Variants in RUBCN observed in about 807,000 individuals in gnomAD.
The protein encoded by RUBCN is run domain Beclin-1-interacting and cysteine-rich domain-containing protein.
In RUBCN, 74 loss-of-function variants were observed where a neutral mutation model predicts 113.2. The ratio of observed to expected loss-of-function variants is 0.65; its 90% confidence interval spans 0.54 to 0.79. The LOEUF is 0.79. Ranked by LOEUF, RUBCN falls within the 30% of genes least tolerant of loss-of-function variation. The pLI is 0.00. For missense variants in RUBCN, 1,109 were observed against 1,251.7 expected (o/e 0.89, Z 1.72); for synonymous variants, 480 against 490.0 (o/e 0.98, Z 0.27).
intron 1 of RUBCN, among the ~76,000 whole-genome samples, chr3:197,746,216 G>A (rs571167668): frequency 5.3e-5 from 8 of 152,316 alleles, no homozygotes; most frequent in Non-Finnish European, 1.0e-4. Flanking sequence ...TAGCCATCGC[G>A]AAACATGATT....
intron 11 of RUBCN, among the ~76,000 whole-genome samples, chr3:197,684,684 A>G (rs1039471159): frequency 2.4e-4 from 36 of 151,512 alleles, no homozygotes; most frequent in African/African-American, 7.0e-4. Context: ...ACACACATAT[A>G]TACACATATA....
At position 197,676,656 on chromosome 3, in the gene RUBCN, C is replaced by T. The variant is rs1236144168; in HGVS notation, c.2646+229G>A. On this transcript the variant is annotated intron_variant, in intron 18 of 19. Transcript: ENST00000296343. ...GTCTACTCGGTCTTGCCCGGAGCTA[C>T]CCAGGACCACAGCCAGCACCAGCTC... is the stretch of plus-strand genomic sequence containing the variant. 2.8e-6 allele frequency: 4 copies of T among 1,409,402 alleles called. No homozygotes were observed. In the African/African-American group the frequency reaches 5.8e-5, roughly 20 times the overall value. 87.3% of individuals were successfully genotyped at this position (1,409,402 alleles called of 1,614,324 possible). A position where few individuals can be genotyped will look rare whatever the true frequency, so the allele number is the denominator to read the frequency against.
rs1560411615 is a variant in RUBCN at position 197,684,137 on chromosome 3, TG to T, written c.1847+19del. 1 of 1,582,422 alleles carries T rather than the reference TG, an allele frequency of 6.3e-7. No homozygotes were observed. On this transcript the variant is annotated intron_variant, in intron 12 of 19. Transcript: ENST00000296343. ...TCCTAAGGTTTTCTTTTCTTTTTTT[TG>T]GTAAAAAAAAGTACTCACAAGGACT... is the stretch of plus-strand genomic sequence containing the variant.
At chr3:197,712,133 A>C (rs1469676800) in intron 2 of RUBCN, among the ~76,000 whole-genome samples, 1 of 152,124 alleles carries the variant, frequency 6.6e-6, no homozygotes, top group Non-Finnish European at 1.5e-5. Context: ...ATTGTGGCAA[A>C]AGGAGGAATC....
intron 1 of RUBCN, among the ~76,000 whole-genome samples, chr3:197,731,753 A>AC (rs994286572): frequency 1.2e-4 from 17 of 141,282 alleles, no homozygotes; most frequent in South Asian, 2.3e-4. Context: ...CGGGGGGCTG[A>AC]CCCCCCCACC....
chr3:197,705,091 C>G lies in RUBCN; in HGVS notation c.303+1G>C, dbSNP rs1344177696. 6.2e-7 allele frequency: 1 copy of G among 1,612,838 alleles called. No individual in the cohort carries two copies. Reference sequence around the variant, plus strand: ...CACAGCCGCTCTGCTCTCACTCTTACCTTCTCCACGTGAAGGGCTGAGTGG... The same window carrying G: ...CACAGCCGCTCTGCTCTCACTCTTAGCTTCTCCACGTGAAGGGCTGAGTGG... On this transcript the variant is annotated splice_donor_variant, in intron 3 of 19. Transcript: ENST00000296343. LOFTEE classifies it high-confidence loss of function.
chr3:197,730,798 G>A, intron 1 of RUBCN, among the ~76,000 whole-genome samples: 1 of 148,140 alleles, frequency 6.8e-6, no homozygotes, highest in Non-Finnish European at 1.5e-5. Context: ...AGCAAGTCTA[G>A]CAGACATGCA....
In RUBCN at chr3:197,669,090, G is replaced by C. The variant is rs1462706736; in HGVS notation, c.*5928C>G. On this transcript the variant is annotated 3_prime_UTR_variant, in exon 20 of 20. Transcript: ENST00000296343. Reference sequence around the variant, plus strand: ...AACTTCTTAATCTGGAATAATTTTAGATCCACAGTAAAGTTGCAAAGATAG... The same window carrying C: ...AACTTCTTAATCTGGAATAATTTTACATCCACAGTAAAGTTGCAAAGATAG... Among the ~76,000 whole-genome samples, 1 of 152,080 alleles carries C rather than the reference G, an allele frequency of 6.6e-6. No homozygotes were observed. The highest frequency in any genetic ancestry group is 2.4e-5 in the African/African-American group (1 of 41,406).
chr3:197,722,399 T>C (rs1431225207), intron 1 of RUBCN, among the ~76,000 whole-genome samples: 19 of 152,030 alleles, frequency 1.2e-4, no homozygotes, highest in Admixed American at 1.2e-3. Context: ...TTGAGTAGAA[T>C]GTTCTGTAGA....
At chr3:197,705,048 G>C in intron 3 of RUBCN, 44 bp downstream of exon 3, 1 of 1,451,560 alleles carries the variant, frequency 6.9e-7, no homozygotes, top group Non-Finnish European at 9.6e-7. Flanking sequence ...AAACAGTGAA[G>C]ACCCACAGCT....
At chr3:197,725,886 A>C (rs1460037126) in intron 1 of RUBCN, among the ~76,000 whole-genome samples, 1 of 152,084 alleles carries the variant, frequency 6.6e-6, no homozygotes. Context: ...TCTAAATACC[A>C]ACTTTGCTGC....
At chr3:197,731,941 G>T (rs1461413266) in intron 1 of RUBCN, among the ~76,000 whole-genome samples, 2 of 152,350 alleles carry the variant, frequency 1.3e-5, no homozygotes, top group South Asian at 2.1e-4. Flanking sequence ...AGAAAAATTA[G>T]GAACAGAATT....
intron 1 of RUBCN, chr3:197,748,348 A>G (rs977895217): frequency 1.3e-5 from 2 of 152,020 alleles, no homozygotes; most frequent in African/African-American, 4.8e-5. Context: ...CATGCCAAAT[A>G]TTGTTCTTGA....
At chr3:197,706,812 T>C (rs1280217725) in intron 2 of RUBCN, among the ~76,000 whole-genome samples, 1 of 152,184 alleles carries the variant, frequency 6.6e-6, no homozygotes, top group Non-Finnish European at 1.5e-5. Context: ...AGGTGCTTCT[T>C]TGTAAAAAGT....
intron 11 of RUBCN, among the ~76,000 whole-genome samples, chr3:197,689,885 C>G (rs753308484): frequency 1.3e-5 from 2 of 152,134 alleles, no homozygotes; most frequent in Non-Finnish European, 2.9e-5. Context: ...CGCTACTGTG[C>G]TACTGAACAC....
intron 1 of RUBCN, among the ~76,000 whole-genome samples, chr3:197,734,707 A>G (rs1727923005): frequency 6.6e-6 from 1 of 152,246 alleles, no homozygotes; most frequent in African/African-American, 2.4e-5. Flanking sequence ...GAAGTGGTAG[A>G]GGGAAATCAA....
chr3:197,747,616 C>T (rs983682522), intron 1 of RUBCN, among the ~76,000 whole-genome samples: 2 of 152,108 alleles, frequency 1.3e-5, no homozygotes, highest in African/African-American at 4.8e-5. Flanking sequence ...CCTCCAAACT[C>T]TAATTGCATT....
At chr3:197,723,837 G>A (rs1254788407) in intron 1 of RUBCN, among the ~76,000 whole-genome samples, 3 of 152,162 alleles carry the variant, frequency 2.0e-5, no homozygotes, top group Admixed American at 1.3e-4. Context: ...GCTCACGCCT[G>A]TAATCCCAGC....
chr3:197,740,021 C>CA (rs1728459291), upstream of RUBCN, among the ~76,000 whole-genome samples: 1 of 152,086 alleles, frequency 6.6e-6, no homozygotes, highest in Non-Finnish European at 1.5e-5. Context: ...CCCTGGGTGA[C>CA]AGAGTGAGAC....
Sources: gnomAD v4.1 joint callset for allele counts (sites outside exome capture counted in the v4.1 genomes callset) on GRCh38, gnomAD v4.1.1 for gene constraint, MANE v1.5 for transcripts, NCBI Gene and HGNC (gene_info 2026-07-23, HGNC 2026-07-21) for gene names.